The following TFEC variants were observed in gnomAD, a reference collection of about 807,000 sequenced individuals.
TFEC encodes the protein class E basic helix-loop-helix protein 34.
Under a neutral mutation model 41.6 loss-of-function variants are expected in TFEC, and 31 were observed. That is an observed-to-expected ratio of 0.74 (90% CI 0.56 to 1.01). TFEC has a LOEUF of 1.01. TFEC is among the 50% of genes least tolerant of loss of function. The pLI is 0.00. For synonymous variants in TFEC, 143 were observed against 140.6 expected (o/e 1.02, Z -0.12); for missense variants, 402 against 404.1 (o/e 0.99, Z 0.04).
chr7:116,015,332 ATAG>A (rs1795148818), intron 1 of TFEC, among the ~76,000 whole-genome samples: 1 of 151,704 alleles, frequency 6.6e-6, no homozygotes, highest in African/African-American at 2.4e-5. Flanking sequence ...AAATGCTCTA[ATAG>A]TAGAAGTTAT....
intron 3 of TFEC, among the ~76,000 whole-genome samples, chr7:116,101,487 G>A (rs1197687339): frequency 6.6e-6 from 1 of 152,064 alleles, no homozygotes; most frequent in African/African-American, 2.4e-5. Context: ...CTTTAAATAA[G>A]TTTAACATAT....
At chr7:116,058,746 C>T (rs541946967) in intron 3 of TFEC, among the ~76,000 whole-genome samples, 4 of 151,748 alleles carry the variant, frequency 2.6e-5, no homozygotes, top group Non-Finnish European at 5.9e-5. Context: ...CCTGGGAAAT[C>T]GCCAAATATT....
intron 1 of TFEC, among the ~76,000 whole-genome samples, chr7:116,145,393 C>A (rs1170074398): frequency 1.3e-5 from 2 of 152,126 alleles, no homozygotes; most frequent in African/African-American, 4.8e-5. Context: ...AGGCCACAGA[C>A]GAACAGAGGA....
At chr7:116,048,904 T>C (rs1288644334) in intron 3 of TFEC, among the ~76,000 whole-genome samples, 1 of 152,120 alleles carries the variant, frequency 6.6e-6, no homozygotes, top group Non-Finnish European at 1.5e-5. Context: ...GAAAGAGAAA[T>C]AAAATCCTTT....
In TFEC at chr7:115,954,578, A is replaced by G. The variant is rs1336362314; in HGVS notation, c.439+8T>C. 6.2e-7 allele frequency: 1 copy of G among 1,608,764 alleles called. No individual in the cohort carries two copies. The highest frequency in any genetic ancestry group is 1.1e-5 in the South Asian group (1 of 90,486). Reference sequence around the variant, plus strand: ...GCATTAATTTTATATGGAAAAATATATACTCACTGAGGTTGTGGTTGTCCT... The same window carrying G: ...GCATTAATTTTATATGGAAAAATATGTACTCACTGAGGTTGTGGTTGTCCT... On this transcript the variant is annotated splice_region_variant and intron_variant, in intron 5 of 7. Transcript: ENST00000265440.
intron 1 of TFEC, among the ~76,000 whole-genome samples, chr7:116,134,351 G>T (rs1798394617): frequency 6.6e-6 from 1 of 151,904 alleles, no homozygotes; most frequent in Non-Finnish European, 1.5e-5. Context: ...AGAATAAAAA[G>T]AAAGAGGGAA....
chr7:115,955,756 G>C, intron 4 of TFEC, among the ~76,000 whole-genome samples: 1 of 152,080 alleles, frequency 6.6e-6, no homozygotes, highest in East Asian at 1.9e-4. Flanking sequence ...AATATTATTA[G>C]AGTTATAGTT....
chr7:116,038,314 C>T (rs60386717), intron 3 of TFEC, among the ~76,000 whole-genome samples: 2,782 of 151,998 alleles, frequency 0.018, 74 homozygotes, highest in African/African-American at 0.063. Flanking sequence ...GTCCTTTTCC[C>T]TTTTGCCAGA....
At chr7:115,988,557 A>T (rs933083730) in intron 1 of TFEC, among the ~76,000 whole-genome samples, 3 of 152,096 alleles carry the variant, frequency 2.0e-5, no homozygotes, top group African/African-American at 7.2e-5. Context: ...AAAAAGAAAC[A>T]AAAAAGAATA....
At position 116,143,621 on chromosome 7, in the gene TFEC, A is replaced by G. The variant is rs1177997134; in HGVS notation, c.-69+16169T>C. On this transcript the variant is annotated intron_variant, in intron 1 of 8. Transcript: ENST00000484212. Reference sequence around the variant, plus strand: ...TGTCTTTCCAAACTGAGTTCTGCACATCACCCCTTGCTGTGTATATGATTG... The same window carrying G: ...TGTCTTTCCAAACTGAGTTCTGCACGTCACCCCTTGCTGTGTATATGATTG... Among the ~76,000 whole-genome samples, 2 of 152,174 alleles carry G rather than the reference A, an allele frequency of 1.3e-5. 1 individual carries two copies. The highest frequency in any genetic ancestry group is 4.1e-4 in the South Asian group (2 of 4,828).
intron 1 of TFEC, among the ~76,000 whole-genome samples, chr7:116,114,266 A>G (rs1399223526): frequency 6.6e-6 from 1 of 151,992 alleles, no homozygotes; most frequent in African/African-American, 2.4e-5. Flanking sequence ...CAAAATTTAA[A>G]TGGATATCAG....
chr7:116,087,555 A>G (rs1026037655), intron 3 of TFEC, among the ~76,000 whole-genome samples: 1 of 151,992 alleles, frequency 6.6e-6, no homozygotes, highest in Admixed American at 6.6e-5. Context: ...TTACTCACAA[A>G]CTGAACTTCA....
At chr7:116,025,910 CACAT>C (rs1795567451) in intron 1 of TFEC, among the ~76,000 whole-genome samples, 1 of 152,182 alleles carries the variant, frequency 6.6e-6, no homozygotes, top group South Asian at 2.1e-4. Flanking sequence ...CCATAGTCAC[CACAT>C]ACAGTCATTT....
chr7:116,116,960 T>G (rs759850901), intron 1 of TFEC, among the ~76,000 whole-genome samples: 3 of 151,928 alleles, frequency 2.0e-5, no homozygotes, highest in Non-Finnish European at 4.4e-5. Flanking sequence ...ATAATAGTTG[T>G]TTTTTCTTTC....
intron 1 of TFEC, among the ~76,000 whole-genome samples, chr7:116,008,190 C>T (rs1004283560): frequency 1.1e-4 from 17 of 152,154 alleles, no homozygotes; most frequent in Admixed American, 8.5e-4. Flanking sequence ...TTTTTTATCA[C>T]TGTTATTATA....
intron 3 of TFEC, among the ~76,000 whole-genome samples, chr7:116,081,725 C>T (rs1386647082): frequency 6.6e-6 from 1 of 152,040 alleles, no homozygotes; most frequent in East Asian, 1.9e-4. Context: ...CAACCTGACT[C>T]CACACAATGT....
At chr7:116,061,101 T>C (rs1562955509) in intron 3 of TFEC, among the ~76,000 whole-genome samples, 1 of 152,110 alleles carries the variant, frequency 6.6e-6, no homozygotes, top group Non-Finnish European at 1.5e-5. Context: ...CAAGATTTTG[T>C]AGAAATTGAC....
At chr7:116,067,523 G>A (rs1189162242) in intron 3 of TFEC, among the ~76,000 whole-genome samples, 1 of 151,956 alleles carries the variant, frequency 6.6e-6, no homozygotes, top group Non-Finnish European at 1.5e-5. Flanking sequence ...TAGCTTGACT[G>A]GTTTTCACTC....
At chr7:116,094,267 C>A (rs990821892) in intron 3 of TFEC, among the ~76,000 whole-genome samples, 10 of 152,176 alleles carry the variant, frequency 6.6e-5, no homozygotes, top group African/African-American at 2.2e-4. Context: ...ATGCATAAGA[C>A]CAACAGCTGT....
Sources: gnomAD v4.1 joint callset for allele counts (sites outside exome capture counted in the v4.1 genomes callset) on GRCh38, gnomAD v4.1.1 for gene constraint, MANE v1.5 for transcripts, NCBI Gene and HGNC (gene_info 2026-07-23, HGNC 2026-07-21) for gene names.